The following TTC27 variants were observed in gnomAD, a reference collection of about 807,000 sequenced individuals.
TTC27 encodes the protein tetratricopeptide repeat domain 27.
In TTC27, 79 loss-of-function variants were observed where a neutral mutation model predicts 115.9. The observed-to-expected ratio is 0.68, with a 90% confidence interval of 0.57 to 0.82. The LOEUF (loss-of-function observed/expected upper bound fraction) is 0.82. Ranked by LOEUF, TTC27 falls within the 40% of genes least tolerant of loss-of-function variation. The pLI, the probability that TTC27 is intolerant of heterozygous loss-of-function variation, is 0.00. For synonymous variants in TTC27, 401 were observed against 356.0 expected (o/e 1.13, Z -1.42); for missense variants, 1,054 against 993.1 (o/e 1.06, Z -0.82).
chr2:32,734,595 G>T (rs991760404), intron 11 of TTC27, among the ~76,000 whole-genome samples: 11 of 152,128 alleles, frequency 7.2e-5, no homozygotes, highest in African/African-American at 2.4e-5. Flanking sequence ...TGTCTACATG[G>T]TTCTCCTGTA....
chr2:32,805,055 G>T (rs144825596), intron 16 of TTC27, among the ~76,000 whole-genome samples: 71 of 152,324 alleles, frequency 4.7e-4, no homozygotes, highest in African/African-American at 1.4e-3. Flanking sequence ...AAAGAGGAGA[G>T]GGGAGCTGTG....
At chr2:32,789,300 T>C (rs1306665559) in intron 16 of TTC27, among the ~76,000 whole-genome samples, 1 of 152,164 alleles carries the variant, frequency 6.6e-6, no homozygotes, top group African/African-American at 2.4e-5. Context: ...GAAAAGGTAT[T>C]GAAGAATGTT....
chr2:32,640,502 CTA>C, intron 4 of TTC27, 92 bp downstream of exon 4: 1 of 1,355,032 alleles, frequency 7.4e-7, no homozygotes, highest in Middle Eastern at 1.9e-4. Context: ...ATGTCTTGGT[CTA>C]TTTTGTTTTC....
chr2:32,648,516 ATCT>A (rs1235440849), intron 4 of TTC27, among the ~76,000 whole-genome samples: 1 of 143,928 alleles, frequency 6.9e-6, no homozygotes, highest in Non-Finnish European at 1.5e-5. Flanking sequence ...GCCTCGAGTG[ATCT>A]TCTCATTTCA....
intron 14 of TTC27, among the ~76,000 whole-genome samples, chr2:32,781,891 A>T (rs535860796): frequency 3.3e-5 from 5 of 152,362 alleles, no homozygotes; most frequent in Non-Finnish European, 7.3e-5. Context: ...TTCAGCTCAC[A>T]GCTTTCTGGT....
intron 7 of TTC27, among the ~76,000 whole-genome samples, chr2:32,671,301 T>TA (rs397720715): frequency 6.6e-6 from 1 of 151,842 alleles, no homozygotes; most frequent in Non-Finnish European, 1.5e-5. Context: ...TCATTTTTTT[T>TA]TCCAAATGGA....
At chr2:32,796,782 G>T (rs1572622515) in intron 16 of TTC27, among the ~76,000 whole-genome samples, 1 of 152,108 alleles carries the variant, frequency 6.6e-6, no homozygotes, top group African/African-American at 2.4e-5. Context: ...AAACAGTGTG[G>T]AACTGGCATA....
At chr2:32,749,652 G>C (rs1334751332) in intron 12 of TTC27, among the ~76,000 whole-genome samples, 1 of 152,200 alleles carries the variant, frequency 6.6e-6, no homozygotes, top group Non-Finnish European at 1.5e-5. Flanking sequence ...ATTTGCTACT[G>C]TCTGCCTGTG....
At chr2:32,802,526 C>T (rs1670986032) in intron 16 of TTC27, among the ~76,000 whole-genome samples, 2 of 152,156 alleles carry the variant, frequency 1.3e-5, no homozygotes, top group Admixed American at 1.3e-4. Flanking sequence ...GAACTTACAC[C>T]ATTGCAGTTT....
chr2:32,641,683 T>C (rs1013215672), intron 4 of TTC27, among the ~76,000 whole-genome samples: 1 of 152,024 alleles, frequency 6.6e-6, no homozygotes, highest in Non-Finnish European at 1.5e-5. Context: ...AATAGTTCTT[T>C]CTTTTTTTTT....
chr2:32,779,799 G>T (rs898017958), intron 14 of TTC27, among the ~76,000 whole-genome samples: 2 of 151,960 alleles, frequency 1.3e-5, no homozygotes, highest in Admixed American at 1.3e-4. Context: ...TAAGGTCTAG[G>T]GACCATTTTA....
At position 32,703,402 on chromosome 2, in the gene TTC27, G is replaced by T. The variant is rs181900671; in HGVS notation, c.1233+482G>T. 2.7e-3 allele frequency among the ~76,000 whole-genome samples: 411 copies of T among 152,316 alleles called. 2 individuals carry two copies. Among genetic ancestry groups the T allele is most frequent in the Admixed American group, 4.7e-3 (72 of 15,304 alleles). On this transcript the variant is annotated intron_variant, in intron 10 of 19. Coordinates refer to ENST00000317907, the MANE Select transcript of TTC27 (RefSeq NM_017735.5). ...GAATCGCTTGAACCCTGGAGGCAAAGGTCGCAGTGAGCCGAGATCGTGCCA... is the reference window on the plus strand; with the variant it reads ...GAATCGCTTGAACCCTGGAGGCAAATGTCGCAGTGAGCCGAGATCGTGCCA...
At chr2:32,811,433 T>A (rs552001314) in intron 17 of TTC27, among the ~76,000 whole-genome samples, 18 of 152,354 alleles carry the variant, frequency 1.2e-4, no homozygotes, top group African/African-American at 3.8e-4. Flanking sequence ...CATGAAGTTT[T>A]CTTACATAGT....
chr2:32,819,799 G>T (rs1282137251), intron 19 of TTC27, among the ~76,000 whole-genome samples: 3 of 152,140 alleles, frequency 2.0e-5, no homozygotes, highest in Admixed American at 6.5e-5. Flanking sequence ...GAACAGATTT[G>T]ACCCCTTACA....
chr2:32,780,418 T>G (rs1479589910), intron 14 of TTC27, among the ~76,000 whole-genome samples: 1 of 152,140 alleles, frequency 6.6e-6, no homozygotes, highest in East Asian at 1.9e-4. Flanking sequence ...CATACTATTA[T>G]AAATGGAATT....
intron 4 of TTC27, among the ~76,000 whole-genome samples, chr2:32,646,448 G>C (rs899885003): frequency 5.3e-5 from 8 of 151,960 alleles, no homozygotes; most frequent in African/African-American, 1.9e-4. Context: ...GGATTAACAG[G>C]CATAAGCTAC....
rs1238934940 is a variant in TTC27 at position 32,777,930 on chromosome 2, T to C, written c.1729T>C (p.Tyr577His). ...TTGTGCCTATTTGGCCTTGGAAGACTATCAAGGTTCAGCAAAGGCATTTCA... is the reference window on the plus strand; with the variant it reads ...TTGTGCCTATTTGGCCTTGGAAGACCATCAAGGTTCAGCAAAGGCATTTCA... ...LGCAYLALED[Y>H]QGSAKAFQRC... Residue 577 changes from tyrosine to histidine, a missense_variant, in exon 14 of 20, where the codon TAT (tyrosine) becomes CAT (histidine). Transcript: ENST00000317907. 2.2e-5 allele frequency: 36 copies of C among 1,614,048 alleles called. No homozygotes were observed. Among genetic ancestry groups the C allele is most frequent in the Non-Finnish European group, 3.1e-5 (36 of 1,180,032 alleles).
chr2:32,636,276 C>T (rs1216252301), intron 3 of TTC27, among the ~76,000 whole-genome samples: 4 of 152,058 alleles, frequency 2.6e-5, no homozygotes, highest in African/African-American at 9.7e-5. Context: ...TGCAGTGGTG[C>T]GATCTCGGCT....
chr2:32,747,462 G>T (rs1482565495), intron 12 of TTC27, among the ~76,000 whole-genome samples: 1 of 152,148 alleles, frequency 6.6e-6, no homozygotes, highest in Non-Finnish European at 1.5e-5. Flanking sequence ...AACCTATTTT[G>T]TAATAAAGTG....
Sources: allele counts gnomAD v4.1 joint callset (sites outside exome capture counted in the v4.1 genomes callset), GRCh38; gene constraint gnomAD v4.1.1; transcripts MANE v1.5; gene names NCBI Gene and HGNC (gene_info 2026-07-23, HGNC 2026-07-21).